ENO3: variants seen among roughly 807,000 people sequenced by gnomAD.
The protein encoded by ENO3 is beta-enolase.
A neutral mutation model predicts 47.7 loss-of-function variants in ENO3; 46 were observed. That is an observed-to-expected ratio of 0.96 (90% CI 0.76 to 1.23). ENO3 has a LOEUF of 1.23. ENO3 is among the 50% of genes most tolerant of loss of function. ENO3 has a pLI of 0.00. For missense variants in ENO3, 575 were observed against 566.2 expected, an observed-to-expected ratio of 1.02 and a Z score of -0.16; for synonymous variants, 223 against 225.9, an observed-to-expected ratio of 0.99 and a Z score of 0.11.
chr17:4,953,930 A>G, intron 6 of ENO3, 85 bp downstream of exon 6: 1 of 1,596,256 alleles, frequency 6.3e-7, no homozygotes. Context: ...TGGAAAATCC[A>G]CCTTTCAGAC....
chr17:4,952,819 G>A lies in ENO3; in HGVS notation c.110G>A (p.Ser37Asn), dbSNP rs1971585860. The change falls in exon 3 of 12, where the codon AGT becomes AAT. Residue 37 changes from serine (S) to asparagine (N), a missense_variant. By Grantham distance (46) the Ser-to-Asn change is conservative. Transcript: ENST00000519602. ...AKGRFRAAVPSGASTGIYEAL... is the reference protein window; with the variant it reads ...AKGRFRAAVPNGASTGIYEAL... ...GGCCGATTCCGAGCAGCTGTGCCCA[G>A]TGGGGCTTCCACGGGTATCTATGAG... 1.9e-6 allele frequency: 3 copies of A among 1,611,604 alleles called. No individual in the cohort carries two copies. The highest frequency in any genetic ancestry group is 2.5e-6 in the Non-Finnish European group (3 of 1,178,718).
At chr17:4,949,839 C>T (rs1236036505), upstream of ENO3, among the ~76,000 whole-genome samples, 1 of 152,142 alleles carries the variant, frequency 6.6e-6, no homozygotes, top group African/African-American at 2.4e-5. Context: ...CCGTGTTCCT[C>T]GACAGCCGCG....
intron 6 of ENO3, among the ~76,000 whole-genome samples, chr17:4,954,667 C>T (rs1971659575): frequency 6.6e-6 from 1 of 152,188 alleles, no homozygotes. Context: ...GTAATCCCAG[C>T]ACTTCGGGAG....
intron 10 of ENO3, 67 bp from the exon 11 acceptor site, chr17:4,956,764 T>C: frequency 6.2e-7 from 1 of 1,614,030 alleles, no homozygotes; most frequent in Non-Finnish European, 8.5e-7. Context: ...TAATGCTCCC[T>C]TGGGGCCAGG....
rs758355479 is a variant in ENO3, at chr17:4,956,610, G to A, written c.1105G>A (p.Val369Met). The A allele has an allele frequency of 1.2e-6, 2 of 1,614,190 alleles. No individual in the cohort carries two copies. The highest frequency in any genetic ancestry group is 1.7e-6 in the Non-Finnish European group (2 of 1,180,040). The change falls in exon 10 of 12, where the codon GTG (valine) becomes ATG (methionine). Residue 369 changes from valine to methionine, a missense_variant. Coordinates refer to ENST00000519602, the MANE Select transcript of ENO3 (RefSeq NM_053013.4). ...TCAGTCTAATGGCTGGGGGGTGATGGTGAGCCACCGCTCTGGGGAGACTGA... is the reference window on the plus strand; with the variant it reads ...TCAGTCTAATGGCTGGGGGGTGATGATGAGCCACCGCTCTGGGGAGACTGA... The part of the protein sequence containing the change: ...LAQSNGWGVM[V>M]SHRSGETEDT...
rs1482288329 is a variant in ENO3, at chr17:4,953,859, C to A, written c.444+14C>A. The A allele has an allele frequency of 6.2e-7, 1 of 1,613,956 alleles. No homozygotes were observed. Among genetic ancestry groups the A allele is most frequent in the Non-Finnish European group, 8.5e-7 (1 of 1,179,984 alleles). On this transcript the variant is annotated intron_variant, in intron 6 of 11. Coordinates refer to ENST00000519602, the MANE Select transcript of ENO3 (RefSeq NM_053013.4). The stretch of plus-strand genomic sequence containing the variant: ...CTCCCAGTGCCAGTGAGTGCAGCTA[C>A]CCGCCCTTCCCAGATCTCGCCTGGA...
At chr17:4,953,474 A>G in intron 5 of ENO3, 133 bp downstream of exon 5, 1 of 1,427,300 alleles carries the variant, frequency 7.0e-7, no homozygotes, top group East Asian at 2.3e-5. Flanking sequence ...ATTTGTGTTC[A>G]TTCCACAGGC....
At chr17:4,952,157 C>T in intron 2 of ENO3, 1 of 626,324 alleles carries the variant, frequency 1.6e-6, no homozygotes, top group Non-Finnish European at 2.9e-6. Context: ...GGTAGAGAGA[C>T]TCCCTGTGAG....
intron 1 of ENO3, chr17:4,951,614 G>C: frequency 1.8e-6 from 1 of 568,372 alleles, no homozygotes. Context: ...ATAGATAAGA[G>C]GCCCCTGGAT....
intron 9 of ENO3, 130 bp from the exon 10 acceptor site, chr17:4,956,443 C>A: frequency 2.1e-6 from 2 of 938,814 alleles, no homozygotes; most frequent in East Asian, 2.4e-5. Flanking sequence ...TCCTACTTCC[C>A]AAAGAACTTA....
intron 6 of ENO3, 32 bp downstream of exon 6, chr17:4,953,877 C>T (rs758132510): frequency 1.1e-5 from 17 of 1,613,818 alleles, no homozygotes; most frequent in Non-Finnish European, 1.4e-5. Context: ...TCCCAGATCT[C>T]GCCTGGACAG....
At chr17:4,951,983 C>G (rs1467938179) in intron 2 of ENO3, 69 bp downstream of exon 2, 1 of 1,520,138 alleles carries the variant, frequency 6.6e-7, no homozygotes, top group Non-Finnish European at 9.1e-7. Flanking sequence ...CCCCCCAGTT[C>G]TGTGCCATAT....
At chr17:4,951,580 G>C (rs1971539963) in intron 1 of ENO3, 1 of 497,330 alleles carries the variant, frequency 2.0e-6, no homozygotes, top group Admixed American at 3.2e-5. Context: ...TGGGGGCTTG[G>C]TGAGCGGTGG....
chr17:4,948,757 A>G, upstream of ENO3: 2 of 271,772 alleles, frequency 7.4e-6, no homozygotes, highest in Non-Finnish European at 1.4e-5. Flanking sequence ...GTGGCGGGAG[A>G]GAGGTGAAGG....
Position 4,953,109 on chromosome 17 carries a change from G to C in ENO3, c.240G>C (p.Lys80Asn). Residue 80 changes from lysine (K) to asparagine (N), a missense_variant and splice_region_variant, in exon 4 of 12, where the codon AAG becomes AAC. Coordinates refer to ENST00000519602, the MANE Select transcript of ENO3 (RefSeq NM_053013.4). ...NNTLGPALLQ[K>N]KLSVVDQEKV... ...CTCTGGGCCCTGCTCTGCTGCAAAAGGCAAGTGGGGAAGCCCGCTCGCTGC... is the reference window on the plus strand; with the variant it reads ...CTCTGGGCCCTGCTCTGCTGCAAAACGCAAGTGGGGAAGCCCGCTCGCTGC... The C allele has an allele frequency of 1.2e-6, 2 of 1,614,094 alleles. No homozygotes were observed. The highest frequency in any genetic ancestry group is 2.2e-5 in the South Asian group (2 of 91,082).
At position 4,956,567 on chromosome 17, in the gene ENO3, A is replaced by C. The variant is rs1484670614; in HGVS notation, c.1068-6A>C. Reference sequence around the variant, plus strand: ...GAAGGCCACATCAAATGTCCTCTCCACTCAGGTGCAAACTGGCTCAGTCTA... The same window carrying C: ...GAAGGCCACATCAAATGTCCTCTCCCCTCAGGTGCAAACTGGCTCAGTCTA... On this transcript the variant is annotated splice_region_variant and splice_polypyrimidine_tract_variant and intron_variant, in intron 9 of 11. Coordinates refer to ENST00000519602, the MANE Select transcript of ENO3 (RefSeq NM_053013.4). 6.2e-7 allele frequency: 1 copy of C among 1,613,928 alleles called. No individual in the cohort carries two copies. Among genetic ancestry groups the C allele is most frequent in the Non-Finnish European group, 8.5e-7 (1 of 1,179,996 alleles).
rs1446474501 is a variant in ENO3, at chr17:4,955,060, C to A, written c.445-15C>A. ...ATGCCCCGGCCCAGGTCCAGACACCCTCTCCCCATCTCAGGCCTTCAATGT... is the reference window on the plus strand; with the variant it reads ...ATGCCCCGGCCCAGGTCCAGACACCATCTCCCCATCTCAGGCCTTCAATGT... On this transcript the variant is annotated splice_polypyrimidine_tract_variant and intron_variant, in intron 6 of 11. Transcript: ENST00000519602. 6.2e-7 allele frequency: 1 copy of A among 1,612,320 alleles called. No individual in the cohort carries two copies. Among genetic ancestry groups the A allele is most frequent in the East Asian group, 2.2e-5 (1 of 44,876 alleles).
chr17:4,953,007 G>A (rs945185772), intron 3 of ENO3, 44 bp from the exon 4 acceptor site: 4 of 1,613,084 alleles, frequency 2.5e-6, no homozygotes, highest in Admixed American at 1.7e-5. Context: ...ACAGAAAGGG[G>A]CCCAGTTGAT....
chr17:4,950,561 C>G (rs981865491), upstream of ENO3: 1 of 985,420 alleles, frequency 1.0e-6, no homozygotes, highest in Non-Finnish European at 1.2e-6. Flanking sequence ...TAACTCATCC[C>G]GGCGCTGGCT....
Sources: gnomAD v4.1 joint callset for allele counts (sites outside exome capture counted in the v4.1 genomes callset) on GRCh38, gnomAD v4.1.1 for gene constraint, MANE v1.5 for transcripts, NCBI Gene and HGNC (gene_info 2026-07-23, HGNC 2026-07-21) for gene names.